Variants in BFSP1 observed in about 807,000 individuals in gnomAD.
BFSP1 encodes the protein beaded filament structural protein 1.
Under a neutral mutation model 43.9 loss-of-function variants are expected in BFSP1, and 38 were observed. That is an observed-to-expected ratio of 0.87 (90% CI 0.67 to 1.14). BFSP1 has a LOEUF of 1.14. Among genes scored for constraint, BFSP1 ranks in the 50% most tolerant of loss-of-function variants. The pLI, the probability that BFSP1 is intolerant of heterozygous loss-of-function variation, is 0.00. For missense variants in BFSP1, 850 were observed against 875.1 expected, an observed-to-expected ratio of 0.97 and a Z score of 0.36; for synonymous variants, 352 against 354.8, an observed-to-expected ratio of 0.99 and a Z score of 0.09.
rs1174913044 is a variant in BFSP1, at chr20:17,507,610, C to T, written c.735+1279G>A. On this transcript the variant is annotated intron_variant, in intron 5 of 7. Transcript: ENST00000377873. This position sits in a 1 kb window ranked among gnomAD's most constrained non-coding sequence, Gnocchi z 4.4. ...ACACACCACACACACTTCACATACA[C>T]ATCCCACATATATCACACATACCAT... Among the ~76,000 whole-genome samples the T allele has an allele frequency of 6.6e-6, 1 of 151,914 alleles. No individual in the cohort carries two copies. Among genetic ancestry groups the T allele is most frequent in the African/African-American group, 2.4e-5 (1 of 41,372 alleles).
At chr20:17,564,502 C>T (rs889563467) in intron 1 of BFSP1, among the ~76,000 whole-genome samples, 6 of 152,112 alleles carry the variant, frequency 3.9e-5, no homozygotes, top group African/African-American at 1.4e-4. Context: ...AAGCCTTAAG[C>T]CCTTATTTTG....
At position 17,494,177 on chromosome 20, in the gene BFSP1, G is replaced by T. The variant is rs372721824; in HGVS notation, c.1895C>A (p.Ser632Tyr). The T allele has an allele frequency of 1.2e-6, 2 of 1,614,000 alleles. No homozygotes were observed. Among genetic ancestry groups the T allele is most frequent in the Non-Finnish European group, 1.7e-6 (2 of 1,180,050 alleles). Residue 632 changes from serine (S) to tyrosine (Y), a missense_variant, in exon 8 of 8, where the codon TCC (serine) becomes TAC (tyrosine). Coordinates refer to ENST00000377873, the MANE Select transcript of BFSP1 (RefSeq NM_001195.5). ...VEVVESIEKI[S>Y]TESIQTYEET... Reference sequence around the variant, plus strand: ...TTCATATGTCTGAATGCTCTCCGTGGAAATCTTCTCGATAGATTCCACCAC... The same window carrying T: ...TTCATATGTCTGAATGCTCTCCGTGTAAATCTTCTCGATAGATTCCACCAC...
At chr20:17,495,592 C>T (rs2033613149) in intron 7 of BFSP1, among the ~76,000 whole-genome samples, 1 of 152,174 alleles carries the variant, frequency 6.6e-6, no homozygotes. Flanking sequence ...TAAATGCCAC[C>T]CGGCTGTGAT....
At chr20:17,504,194 C>T (rs1397843474) in intron 5 of BFSP1, among the ~76,000 whole-genome samples, 1 of 152,200 alleles carries the variant, frequency 6.6e-6, no homozygotes, top group Non-Finnish European at 1.5e-5. Context: ...CCATGAGGCC[C>T]AGAGCCCTCC....
chr20:17,509,697 C>G (rs1370226520), intron 4 of BFSP1, among the ~76,000 whole-genome samples: 1 of 152,186 alleles, frequency 6.6e-6, no homozygotes, highest in Non-Finnish European at 1.5e-5. Flanking sequence ...GCGAGCCATA[C>G]GCTGTGCTCG....
chr20:17,562,741 A>T (rs1600689687), upstream of BFSP1, among the ~76,000 whole-genome samples: 5 of 152,272 alleles, frequency 3.3e-5, no homozygotes, highest in South Asian at 1.0e-3. Context: ...TACCATAACG[A>T]CTAATAGAGA....
chr20:17,529,090 T>TGTGTGTGA (rs577672397), intron 1 of BFSP1, among the ~76,000 whole-genome samples: 17 of 151,496 alleles, frequency 1.1e-4, no homozygotes, highest in Non-Finnish European at 1.8e-4. Flanking sequence ...TGTGTGTGTG[T>TGTGTGTGA]GAGACAGAGT....
Position 17,495,046 on chromosome 20 carries a change from G to A in BFSP1, c.1043-17C>T. On this transcript the variant is annotated splice_polypyrimidine_tract_variant and intron_variant, in intron 7 of 7. Transcript: ENST00000377873. ...TGGTAAGATCTGGAAAAACACACAGGCAGAAATTCAAGTATAATTGTCACT... is the reference window on the plus strand; with the variant it reads ...TGGTAAGATCTGGAAAAACACACAGACAGAAATTCAAGTATAATTGTCACT... 1.3e-6 allele frequency: 2 copies of A among 1,579,758 alleles called. No homozygotes were observed. The highest frequency in any genetic ancestry group is 1.1e-5 in the South Asian group (1 of 87,070).
At chr20:17,518,284 ATG>A (rs555525715) in intron 2 of BFSP1, among the ~76,000 whole-genome samples, 91 of 152,340 alleles carry the variant, frequency 6.0e-4, no homozygotes, top group Non-Finnish European at 9.8e-4. Flanking sequence ...AAATCTAACT[ATG>A]GGACTTAGCT....
At position 17,498,806 on chromosome 20, in the gene BFSP1, G is replaced by A. The variant is rs778527545; in HGVS notation, c.956+14C>T. 3.7e-6 allele frequency: 6 copies of A among 1,610,044 alleles called. No homozygotes were observed. Among genetic ancestry groups the A allele is most frequent in the East Asian group, 4.5e-5 (2 of 44,832 alleles). ...AAGGAATAAGTGGCCTGGATGGGGA[G>A]GGCACACGCTCACCTGTTGCCTTCA... is the stretch of plus-strand genomic sequence containing the variant. On this transcript the variant is annotated intron_variant, in intron 6 of 7. Coordinates refer to ENST00000377873, the MANE Select transcript of BFSP1 (RefSeq NM_001195.5).
chr20:17,512,542 T>C (rs6105766), intron 3 of BFSP1, among the ~76,000 whole-genome samples: 73,351 of 151,964 alleles, frequency 0.48, 18,510 homozygotes, highest in African/African-American at 0.62. Flanking sequence ...CATAGTAAGA[T>C]CCCATTTCTA....
rs1295581023 is a variant in BFSP1 at position 17,513,786 on chromosome 20, G to C, written c.534+935C>G. ...ACGGGTGGAGTGGGAAAGTGAGGCA[G>C]GAAGGGAGAGCAGTCAGCGAGGGCT... On this transcript the variant is annotated intron_variant, in intron 3 of 7. Transcript: ENST00000377873. Among the ~76,000 whole-genome samples, 4 of 152,374 alleles carry C rather than the reference G, an allele frequency of 2.6e-5. No homozygotes were observed. The East Asian group carries it at 7.7e-4, about 29-fold the overall frequency.
intron 4 of BFSP1, among the ~76,000 whole-genome samples, chr20:17,509,627 T>G (rs532877734): frequency 6.6e-6 from 1 of 152,228 alleles, no homozygotes; most frequent in African/African-American, 2.4e-5. Flanking sequence ...TGTTTTCCCT[T>G]CTGTGAAAGG....
At chr20:17,504,030 TGGTAG>T (rs551469539) in intron 5 of BFSP1, among the ~76,000 whole-genome samples, 12 of 152,170 alleles carry the variant, frequency 7.9e-5, no homozygotes, top group Non-Finnish European at 1.5e-4. Flanking sequence ...TTTGTGGTAG[TGGTAG>T]GGGGTGGAGG....
chr20:17,558,930 G>T (rs564391969), exon 1 of BFSP1: 2 of 411,898 alleles, frequency 4.9e-6, no homozygotes, highest in African/African-American at 4.1e-5. Flanking sequence ...AAATGAGCAA[G>T]CAATTCCTTC....
At chr20:17,517,692 T>C (rs553118665) in intron 2 of BFSP1, among the ~76,000 whole-genome samples, 1 of 152,388 alleles carries the variant, frequency 6.6e-6, no homozygotes, top group East Asian at 1.9e-4. Flanking sequence ...AATATTATCA[T>C]GTCATCATGT....
chr20:17,499,157 T>C, intron 5 of BFSP1, 117 bp from the exon 6 acceptor site: 2 of 895,186 alleles, frequency 2.2e-6, no homozygotes, highest in Non-Finnish European at 3.5e-6. Flanking sequence ...TGTGTTTCTC[T>C]GTCCATTCGA....
rs1027538189 is a variant in BFSP1 at position 17,504,129 on chromosome 20, A to C, written c.735+4760T>G. Among the ~76,000 whole-genome samples, 3 of 152,164 alleles carry C rather than the reference A, an allele frequency of 2.0e-5. No individual in the cohort carries two copies. In the East Asian group the frequency reaches 5.8e-4, roughly 29 times the overall value. On this transcript the variant is annotated intron_variant, in intron 5 of 7. Transcript: ENST00000377873. ...AAGGCTGGAGATCCTCTGCTGGAAC[A>C]CTGCGGGAGGAGCTCCTGTCCTGGG...
intron 2 of BFSP1, among the ~76,000 whole-genome samples, chr20:17,524,429 T>C (rs923003861): frequency 2.0e-5 from 3 of 152,200 alleles, no homozygotes; most frequent in African/African-American, 7.2e-5. Flanking sequence ...TCCTCTGTTA[T>C]CTTGAGACTT....
Sources: gnomAD v4.1 joint callset for allele counts (sites outside exome capture counted in the v4.1 genomes callset) on GRCh38, gnomAD v4.1.1 for gene constraint, Gnocchi (gnomAD v3.1) non-coding constraint, MANE v1.5 for transcripts, NCBI Gene and HGNC (gene_info 2026-07-23, HGNC 2026-07-21) for gene names.